COBL: variants seen among roughly 807,000 people sequenced by gnomAD.
COBL encodes the protein protein cordon-bleu.
COBL carries 51 observed loss-of-function variants against 98.8 expected under a neutral mutation model. The observed-to-expected ratio is 0.52, with a 90% CI of 0.41 to 0.65. The LOEUF is 0.65. COBL is among the 30% of genes least tolerant of loss of function. The pLI is 0.00. For synonymous variants in COBL, 634 were observed against 651.7 expected, an observed-to-expected ratio of 0.97 and a Z score of 0.41; for missense variants, 1,617 against 1,617.5, an observed-to-expected ratio of 1.00 and a Z score of 0.01.
chr7:51,205,109 T>C (rs1022925993), intron 2 of COBL, among the ~76,000 whole-genome samples: 2 of 152,160 alleles, frequency 1.3e-5, no homozygotes, highest in Admixed American at 1.3e-4. Flanking sequence ...ACAGATTCAA[T>C]GCAATCCCTA....
chr7:51,254,224 C>T (rs1177856629), intron 1 of COBL, among the ~76,000 whole-genome samples: 3 of 152,068 alleles, frequency 2.0e-5, no homozygotes, highest in African/African-American at 7.2e-5. Flanking sequence ...ATGATTTTTC[C>T]CTTTCACTTT....
intron 6 of COBL, among the ~76,000 whole-genome samples, chr7:51,092,939 T>C (rs117849165): frequency 0.24 from 3,002 of 12,414 alleles, 43 homozygotes; most frequent in Middle Eastern, 0.35. Flanking sequence ...TTGTGTGCCC[T>C]TTCCAATTTT....
At chr7:51,045,647 G>A (rs1477614739) in intron 7 of COBL, among the ~76,000 whole-genome samples, 2 of 152,218 alleles carry the variant, frequency 1.3e-5, no homozygotes, top group African/African-American at 4.8e-5. Flanking sequence ...GCCCCTTGGA[G>A]GAGGCCCTCA....
At chr7:51,142,383 ATTT>A (rs10608547) in intron 5 of COBL, among the ~76,000 whole-genome samples, 1,335 of 71,472 alleles carry the variant, frequency 0.019, 15 homozygotes, top group African/African-American at 0.061. Context: ...CTGGTATTTG[ATTT>A]TTTTTTTTTT....
chr7:51,151,875 A>T (rs1785598863), intron 5 of COBL, among the ~76,000 whole-genome samples: 1 of 152,220 alleles, frequency 6.6e-6, no homozygotes, highest in South Asian at 2.1e-4. Context: ...CCCACGGACA[A>T]GCCAGGGTCG....
chr7:51,138,167 T>C (rs1298124400), intron 5 of COBL, among the ~76,000 whole-genome samples: 6 of 152,220 alleles, frequency 3.9e-5, no homozygotes, highest in African/African-American at 7.2e-5. Context: ...AGAGTTCCCA[T>C]AGGAAACAGG....
intron 1 of COBL, chr7:51,259,487 C>T: frequency 1.6e-6 from 1 of 607,088 alleles, no homozygotes; most frequent in Admixed American, 2.1e-5. Flanking sequence ...AGGTGGGGCC[C>T]ATCTCCTTGA....
At chr7:51,191,168 G>T in intron 3 of COBL, 90 bp from the exon 4 acceptor site, 1 of 1,131,960 alleles carries the variant, frequency 8.8e-7, no homozygotes, top group South Asian at 1.4e-5. Context: ...GGGTGTGGCA[G>T]GATTGTGTGT....
At chr7:51,145,848 G>A (rs1478742734) in intron 5 of COBL, among the ~76,000 whole-genome samples, 2 of 152,174 alleles carry the variant, frequency 1.3e-5, no homozygotes, top group Non-Finnish European at 2.9e-5. Context: ...GTGAAGCGGT[G>A]TCTCACTATG....
At chr7:51,213,909 G>A (rs1792738149) in intron 2 of COBL, among the ~76,000 whole-genome samples, 1 of 152,010 alleles carries the variant, frequency 6.6e-6, no homozygotes, top group Non-Finnish European at 1.5e-5. Flanking sequence ...TGGGGGCGGG[G>A]GTTGCTGCTA....
chr7:51,253,347 C>T (rs2129139739), intron 1 of COBL, among the ~76,000 whole-genome samples: 1 of 152,240 alleles, frequency 6.6e-6, no homozygotes, highest in Non-Finnish European at 1.5e-5. Context: ...AATACGATTA[C>T]TCTTGCCAGC....
chr7:51,284,618 G>A (rs972601664), intron 1 of COBL, among the ~76,000 whole-genome samples: 46 of 151,854 alleles, frequency 3.0e-4, no homozygotes, highest in Middle Eastern at 3.2e-3. Context: ...CATGAGGTCA[G>A]GAGTTCGAGA....
chr7:51,070,664 G>A lies in COBL; in HGVS notation c.1096+14502C>T, dbSNP rs993165284. ...TTTGAATTACATTACATGAGCTATG[G>A]AAGTTGTGAACAAACTGTATCATTT... is the stretch of plus-strand genomic sequence containing the variant. On this transcript the variant is annotated intron_variant, in intron 7 of 12. Transcript: ENST00000265136. Among the ~76,000 whole-genome samples the A allele has an allele frequency of 4.6e-5, 7 of 152,306 alleles. No individual in the cohort carries two copies. In the South Asian group the frequency reaches 1.4e-3, roughly 32 times the overall value.
intron 5 of COBL, among the ~76,000 whole-genome samples, chr7:51,173,682 T>A (rs1026066566): frequency 6.6e-6 from 1 of 152,228 alleles, no homozygotes; most frequent in African/African-American, 2.4e-5. Flanking sequence ...TTTGGGTACA[T>A]GACCCAACAA....
chr7:51,248,797 T>C (rs894169186), intron 1 of COBL, among the ~76,000 whole-genome samples: 3 of 152,162 alleles, frequency 2.0e-5, no homozygotes, highest in Non-Finnish European at 4.4e-5. Flanking sequence ...GACAGAATAA[T>C]GGGCATAGGC....
chr7:51,181,149 C>T (rs906050173), intron 5 of COBL, among the ~76,000 whole-genome samples: 7 of 152,160 alleles, frequency 4.6e-5, no homozygotes, highest in African/African-American at 1.7e-4. Flanking sequence ...CTGAGAATCA[C>T]CCTTCCCAGT....
intron 7 of COBL, among the ~76,000 whole-genome samples, chr7:51,084,705 G>A (rs1794030069): frequency 6.6e-6 from 1 of 152,118 alleles, no homozygotes; most frequent in Non-Finnish European, 1.5e-5. Flanking sequence ...GGTAATATAA[G>A]TGGAGATCAA....
chr7:51,026,815 T>C (rs749390422), intron 10 of COBL, 150 bp from the exon 11 acceptor site: 152 of 1,015,696 alleles, frequency 1.5e-4, no homozygotes, highest in Non-Finnish European at 2.1e-4. Flanking sequence ...CCAGAATTGT[T>C]TGAACCCGGG....
intron 4 of COBL, among the ~76,000 whole-genome samples, chr7:51,190,522 TTA>T (rs140447018): frequency 8.1e-4 from 124 of 152,220 alleles, no homozygotes; most frequent in Non-Finnish European, 1.5e-3. Context: ...CAAGAAAGTA[TTA>T]TAGATGGTTT....
Sources: gnomAD v4.1 joint callset for allele counts (sites outside exome capture counted in the v4.1 genomes callset) on GRCh38, gnomAD v4.1.1 for gene constraint, MANE v1.5 for transcripts, NCBI Gene and HGNC (gene_info 2026-07-23, HGNC 2026-07-21) for gene names.